RAB32: variants seen among roughly 807,000 people sequenced by gnomAD.
RAB32 encodes the protein RAB32, member RAS oncogene family, also known as ras-related protein Rab-32.
Under a neutral mutation model 17.5 loss-of-function variants are expected in RAB32, and 17 were observed. The ratio of observed to expected loss-of-function variants is 0.97; its 90% CI spans 0.67 to 1.46. The LOEUF (loss-of-function observed/expected upper bound fraction) is 1.46. RAB32 is among the 40% of genes most tolerant of loss of function. RAB32 has a pLI of 0.00. For synonymous variants in RAB32, 115 were observed against 111.1 expected (o/e 1.04, Z -0.22); for missense variants, 288 against 284.3 (o/e 1.01, Z -0.09).
At chr6:146,549,411 G>A (rs1231793721) in intron 1 of RAB32, 53 bp from the exon 2 acceptor site, 3 of 1,495,624 alleles carry the variant, frequency 2.0e-6, no homozygotes, top group Non-Finnish European at 2.7e-6. Context: ...ATACCTAAAT[G>A]TAGACTCTGT....
Position 146,549,705 on chromosome 6 carries a change from A to G in RAB32, c.492A>G (p.Glu164=). 1 of 1,614,182 alleles carries G rather than the reference A, an allele frequency of 6.2e-7. No individual in the cohort carries two copies. The highest frequency in any genetic ancestry group is 8.5e-7 in the Non-Finnish European group (1 of 1,180,016). Residue 164 remains glutamate, a synonymous_variant, in exon 2 of 3, where the codon GAA becomes GAG. Transcript: ENST00000367495. ...CCCAGGTGGACCAATTCTGCAAAGAACATGGCTTTGCCGGATGGTTTGAAA... is the reference window on the plus strand; with the variant it reads ...CCCAGGTGGACCAATTCTGCAAAGAGCATGGCTTTGCCGGATGGTTTGAAA... ...SPSQVDQFCK[E]HGFAGWFETS...
At position 146,549,804 on chromosome 6, in the gene RAB32, A is replaced by G. The variant is rs9791194; in HGVS notation, c.528+63A>G. The G allele has an allele frequency of 3.3e-6, 5 of 1,522,494 alleles. No individual in the cohort carries two copies. In the African/African-American group the frequency reaches 4.1e-5, roughly 13 times the overall value. The allele number at this position is 1,522,494 out of a possible 1,614,324, so 94.3% of individuals were successfully genotyped here. Reference sequence around the variant, plus strand: ...GCTCATAATTCTGAGCTGTAAATGTAAAGTATTTAGATATATTTATGTGAG... The same window carrying G: ...GCTCATAATTCTGAGCTGTAAATGTGAAGTATTTAGATATATTTATGTGAG... On this transcript the variant is annotated intron_variant, in intron 2 of 2. Coordinates refer to ENST00000367495, the MANE Select transcript of RAB32 (RefSeq NM_006834.5).
rs79424672 is a variant in RAB32, at chr6:146,547,016, C to A, written c.251-2448C>A. Among the ~76,000 whole-genome samples, 780 of 152,240 alleles carry A rather than the reference C, an allele frequency of 5.1e-3. 13 individuals carry two copies. The highest frequency in any genetic ancestry group is 0.049 in the East Asian group (252 of 5,172). On this transcript the variant is annotated intron_variant, in intron 1 of 2. Coordinates refer to ENST00000367495, the MANE Select transcript of RAB32 (RefSeq NM_006834.5). ...ATTGAAGGAATCTGGCTTTAAAATA[C>A]AGATGCAGTTTAGTGCAGTTTTTGT...
rs753823598 is a variant in RAB32, at chr6:146,543,900, G to A, written c.29G>A (p.Gly10Asp). Residue 10 changes from glycine (G) to aspartate (D), a missense_variant, in exon 1 of 3, where the codon GGC (glycine) becomes GAC (aspartate). Coordinates refer to ENST00000367495, the MANE Select transcript of RAB32 (RefSeq NM_006834.5). MAGGGAGDP[G>D]LGAAAAPAPE... ...GCGGGCGGAGGAGCCGGGGACCCCG[G>A]CCTGGGGGCGGCCGCCGCCCCAGCG... 10 of 1,575,350 alleles carry A rather than the reference G, an allele frequency of 6.3e-6. No homozygotes were observed. Among genetic ancestry groups the A allele is most frequent in the Admixed American group, 3.6e-5 (2 of 56,214 alleles).
chr6:146,552,187 A>G (rs1779905267), intron 2 of RAB32, among the ~76,000 whole-genome samples: 1 of 152,224 alleles, frequency 6.6e-6, no homozygotes, highest in Non-Finnish European at 1.5e-5. Flanking sequence ...AACATATGGG[A>G]ATTACATTAA....
chr6:146,548,530 G>A (rs868644951), intron 1 of RAB32, among the ~76,000 whole-genome samples: 17 of 152,266 alleles, frequency 1.1e-4, no homozygotes, highest in Middle Eastern at 6.8e-3. Flanking sequence ...CCTTCACACT[G>A]TAGTCAGTAA....
At chr6:146,546,155 T>A (rs1779816298) in intron 1 of RAB32, among the ~76,000 whole-genome samples, 1 of 152,136 alleles carries the variant, frequency 6.6e-6, no homozygotes, top group South Asian at 2.1e-4. Flanking sequence ...AACATCTGCC[T>A]AGATGGGATA....
At position 146,554,862 on chromosome 6, in the gene RAB32, A is replaced by AT; in HGVS notation, c.*262dup. 3.2e-6 allele frequency: 1 copy of AT among 311,226 alleles called. No homozygotes were observed. The highest frequency in any genetic ancestry group is 5.9e-6 in the Non-Finnish European group (1 of 169,840). The allele number at this position is 311,226 out of a possible 1,614,324, so 19.3% of individuals were successfully genotyped here. A position where few individuals can be genotyped will look rare whatever the true frequency, so the allele number is the denominator to read the frequency against. Reference sequence around the variant, plus strand: ...AGATAATGTTTACATCCTTTTAAACATTTTTATATGACAATTCCTCAGGAT... The same window carrying AT: ...AGATAATGTTTACATCCTTTTAAACATTTTTTATATGACAATTCCTCAGGAT... On this transcript the variant is annotated 3_prime_UTR_variant, in exon 3 of 3. Transcript: ENST00000367495.
In RAB32 at chr6:146,554,801, A is replaced by C; in HGVS notation, c.*196A>C. On this transcript the variant is annotated 3_prime_UTR_variant, in exon 3 of 3. Coordinates refer to ENST00000367495, the MANE Select transcript of RAB32 (RefSeq NM_006834.5). Reference sequence around the variant, plus strand: ...TAGTGGCTCTGTAACTTAACAGATGACAATTAGGCTTTTGTCATTGTTGCC... The same window carrying C: ...TAGTGGCTCTGTAACTTAACAGATGCCAATTAGGCTTTTGTCATTGTTGCC... 1 of 471,274 alleles carries C rather than the reference A, an allele frequency of 2.1e-6. No homozygotes were observed. Among genetic ancestry groups the C allele is most frequent in the Non-Finnish European group, 3.7e-6 (1 of 268,652 alleles). 29.2% of individuals were successfully genotyped at this position (471,274 alleles called of 1,614,324 possible).
chr6:146,547,684 C>T (rs1435119654), intron 1 of RAB32, among the ~76,000 whole-genome samples: 6 of 135,866 alleles, frequency 4.4e-5, no homozygotes, highest in Non-Finnish European at 7.6e-5. Context: ...TTCATGAGCA[C>T]GAGTAAAAGG....
chr6:146,553,878 A>C (rs1324792237), intron 2 of RAB32, among the ~76,000 whole-genome samples: 1 of 152,230 alleles, frequency 6.6e-6, no homozygotes, highest in Non-Finnish European at 1.5e-5. Flanking sequence ...ATATTTAATG[A>C]TAACTTATAA....
intron 1 of RAB32, among the ~76,000 whole-genome samples, chr6:146,546,374 T>G (rs918834338): frequency 6.6e-6 from 1 of 151,452 alleles, no homozygotes; most frequent in Non-Finnish European, 1.5e-5. Flanking sequence ...TTTTCAGAGA[T>G]AGAATTTTAA....
In RAB32 at chr6:146,550,062, G is replaced by A. The variant is rs78620166; in HGVS notation, c.528+321G>A. ...AGTGGTTGGGGGTATTGTCAAGCAC[G>A]AGAATTTTTGGTTTTTACAAAAGGC... On this transcript the variant is annotated intron_variant, in intron 2 of 2. Transcript: ENST00000367495. Among the ~76,000 whole-genome samples, 459 of 152,254 alleles carry A rather than the reference G, an allele frequency of 3.0e-3. 13 individuals are homozygous for A. The East Asian group carries it at 0.059, about 20-fold the overall frequency.
intron 1 of RAB32, among the ~76,000 whole-genome samples, chr6:146,547,716 G>T (rs1362785968): frequency 3.8e-5 from 3 of 78,572 alleles, no homozygotes; most frequent in Admixed American, 3.7e-4. Context: ...ATTTACAGAT[G>T]ATTCACAAAA....
chr6:146,544,204 C>T (rs1779792002), intron 1 of RAB32, 83 bp downstream of exon 1: 2 of 1,462,784 alleles, frequency 1.4e-6, no homozygotes, highest in East Asian at 2.6e-5. Context: ...TTCTTTTCTG[C>T]CTGAACTCGT....
chr6:146,554,493 T>G lies in RAB32; in HGVS notation c.566T>G (p.Val189Gly). Residue 189 changes from valine to glycine, a missense_variant, in exon 3 of 3, where the codon GTG becomes GGG. Physicochemically the swap from Val to Gly is moderately radical, Grantham distance 109. Coordinates refer to ENST00000367495, the MANE Select transcript of RAB32 (RefSeq NM_006834.5). ...ATAGAGGAAGCTGCCCGGTTCCTAG[T>G]GGAGAAGATTCTTGTAAACCACCAA... The part of the protein sequence containing the change: ...INIEEAARFL[V>G]EKILVNHQSF... The G allele has an allele frequency of 6.2e-7, 1 of 1,613,502 alleles. No individual in the cohort carries two copies. Among genetic ancestry groups the G allele is most frequent in the Non-Finnish European group, 8.5e-7 (1 of 1,179,724 alleles).
intron 2 of RAB32, 118 bp from the exon 3 acceptor site, chr6:146,554,338 G>A: frequency 1.1e-6 from 1 of 884,862 alleles, no homozygotes; most frequent in African/African-American, 1.7e-5. Flanking sequence ...TTAGAGGAAA[G>A]TGGCTGTGCA....
Sources: allele counts gnomAD v4.1 joint callset (sites outside exome capture counted in the v4.1 genomes callset), GRCh38; gene constraint gnomAD v4.1.1; transcripts MANE v1.5; gene names NCBI Gene and HGNC (gene_info 2026-07-23, HGNC 2026-07-21).